Variants in TMEM114 observed in about 807,000 individuals in gnomAD.
The protein encoded by TMEM114 is transmembrane protein 114.
A neutral mutation model predicts 6.2 loss-of-function variants in TMEM114; 6 were observed. The ratio of observed to expected loss-of-function variants is 0.97; its 90% CI spans 0.53 to 1.91. TMEM114 has a LOEUF of 1.91. TMEM114 is among the 40% of genes most tolerant of loss of function. TMEM114 has a pLI of 0.01. For synonymous variants in TMEM114, 104 were observed against 73.0 expected (o/e 1.42, Z -2.16); for missense variants, 218 against 158.3 (o/e 1.38, Z -2.02).
chr16:8,536,137 A>G (rs1310958324), downstream of TMEM114, among the ~76,000 whole-genome samples: 1 of 151,860 alleles, frequency 6.6e-6, no homozygotes. Context: ...AGGCAGGACA[A>G]TCACTTGAAC....
intron 2 of TMEM114, among the ~76,000 whole-genome samples, chr16:8,578,885 A>G (rs1902035953): frequency 6.6e-6 from 1 of 152,188 alleles, no homozygotes; most frequent in Non-Finnish European, 1.5e-5. Flanking sequence ...AGGCTGAGGC[A>G]GGAGAATCGC....
intron 2 of TMEM114, among the ~76,000 whole-genome samples, chr16:8,541,133 A>G (rs969077186): frequency 7.2e-5 from 11 of 152,174 alleles, no homozygotes; most frequent in African/African-American, 2.7e-4. Flanking sequence ...AACTCTTGCT[A>G]TATGCCAGGC....
chr16:8,528,863 C>A, the TMEM114 span, among the ~76,000 whole-genome samples: 1 of 152,178 alleles, frequency 6.6e-6, no homozygotes, highest in South Asian at 2.1e-4. Flanking sequence ...TGTGAATTTG[C>A]AAGGCATTCT....
chr16:8,528,244 GC>G, the TMEM114 span, among the ~76,000 whole-genome samples: 1 of 27,686 alleles, frequency 3.6e-5, no homozygotes, highest in Non-Finnish European at 7.7e-5. Context: ...CACCCAAAAT[GC>G]GCACACACAC....
chr16:8,549,173 C>A, intron 2 of TMEM114, among the ~76,000 whole-genome samples: 1 of 115,496 alleles, frequency 8.7e-6, no homozygotes, highest in Non-Finnish European at 1.7e-5. Context: ...CAGAACGAGA[C>A]TCCATCTCAA....
At chr16:8,581,902 C>T (rs888426541) in intron 2 of TMEM114, among the ~76,000 whole-genome samples, 1 of 152,220 alleles carries the variant, frequency 6.6e-6, no homozygotes, top group African/African-American at 2.4e-5. Context: ...TCCCTGACTG[C>T]CTGCAGCACA....
intron 2 of TMEM114, among the ~76,000 whole-genome samples, chr16:8,562,480 GTGAA>G (rs1901279156): frequency 2.3e-5 from 2 of 88,160 alleles, no homozygotes; most frequent in Non-Finnish European, 4.7e-5. Flanking sequence ...GAATGAGTGA[GTGAA>G]TGAGTATGTG....
the TMEM114 span, among the ~76,000 whole-genome samples, chr16:8,531,056 G>A: frequency 3.3e-5 from 5 of 152,076 alleles, no homozygotes; most frequent in Non-Finnish European, 5.9e-5. Context: ...AGGAAGGGAG[G>A]GAGGGAGGAG....
chr16:8,538,977 C>G lies in TMEM114; in HGVS notation n.213-1151G>C, dbSNP rs188611094. 5.2e-4 allele frequency among the ~76,000 whole-genome samples: 79 copies of G among 152,232 alleles called. 2 individuals carry two copies. Among genetic ancestry groups the G allele is most frequent in the South Asian group, 2.7e-3 (13 of 4,808 alleles). ...TACCACTGTGTCCTCCATCTCTAGT[C>G]AAATGCCTGGAATAAAAGGAGCTCA... On this transcript the variant is annotated intron_variant and non_coding_transcript_variant, in intron 2 of 2. Transcript: ENST00000623677.
At chr16:8,549,468 C>G (rs935417434) in intron 2 of TMEM114, among the ~76,000 whole-genome samples, 1 of 137,816 alleles carries the variant, frequency 7.3e-6, no homozygotes, top group African/African-American at 2.8e-5. Flanking sequence ...CCACTTCACT[C>G]AAGCCTGGGC....
chr16:8,576,927 T>C (rs370822681), intron 2 of TMEM114, among the ~76,000 whole-genome samples: 30 of 152,310 alleles, frequency 2.0e-4, no homozygotes, highest in African/African-American at 6.7e-4. Context: ...CAGGTGAAAG[T>C]GGTGCCTTAA....
chr16:8,528,035 C>A, the TMEM114 span, among the ~76,000 whole-genome samples: 1 of 152,136 alleles, frequency 6.6e-6, no homozygotes, highest in Non-Finnish European at 1.5e-5. Flanking sequence ...CAGCTTCCTG[C>A]GTAGCTGGGA....
chr16:8,549,622 C>A lies in TMEM114; in HGVS notation n.213-11796G>T, dbSNP rs1596470646. Among the ~76,000 whole-genome samples the A allele has an allele frequency of 3.3e-5, 5 of 151,736 alleles. No homozygotes were observed. In the East Asian group the frequency reaches 5.8e-4, roughly 18 times the overall value. On this transcript the variant is annotated intron_variant and non_coding_transcript_variant, in intron 2 of 2. Transcript: ENST00000623677. ...CTTTTATTCCAAGATATCATGTTTT[C>A]CTTCGTGTGTGTGTGTATGTGTGTG...
At chr16:8,545,081 T>A (rs74250588) in intron 2 of TMEM114, among the ~76,000 whole-genome samples, 25,337 of 152,078 alleles carry the variant, frequency 0.17, 2,242 homozygotes, top group South Asian at 0.23. Flanking sequence ...TCATCAGGCC[T>A]ATATTGCACC....
chr16:8,572,413 G>A (rs943579822), intron 2 of TMEM114, 189 bp from the exon 3 acceptor site: 22 of 658,484 alleles, frequency 3.3e-5, no homozygotes, highest in Admixed American at 1.5e-4. Flanking sequence ...CTCATCTCGT[G>A]CAAGGCTGTG....
intron 3 of TMEM114, 84 bp downstream of exon 3, chr16:8,572,003 C>G: frequency 7.0e-7 from 1 of 1,420,436 alleles, no homozygotes. Flanking sequence ...TGGGATCCCC[C>G]TCGTTTGCTG....
At chr16:8,563,672 AG>A (rs200586402) in intron 2 of TMEM114, among the ~76,000 whole-genome samples, 3,529 of 150,172 alleles carry the variant, frequency 0.023, no homozygotes, top group Non-Finnish European at 0.038. Flanking sequence ...CGAATAAGTA[AG>A]TGAATGAGTA....
intron 2 of TMEM114, among the ~76,000 whole-genome samples, chr16:8,555,705 G>A (rs1044136049): frequency 2.6e-5 from 4 of 152,148 alleles, no homozygotes; most frequent in African/African-American, 7.2e-5. Flanking sequence ...CAGGACAATC[G>A]TGTCTTCCAG....
rs1902441624 is a variant in TMEM114 at position 8,590,215 on chromosome 16, A to G, written c.-377T>C. ...CCACCTCGTCCCTCAGCCCCACTCC[A>G]CCCTCGGCCCTCCACGCCCAGCCCA... On this transcript the variant is annotated 5_prime_UTR_variant, in exon 1 of 4. Transcript: ENST00000620492. The G allele has an allele frequency of 5.0e-6, 1 of 199,198 alleles. No individual in the cohort carries two copies. The highest frequency in any genetic ancestry group is 2.4e-5 in the African/African-American group (1 of 42,372). The allele number at this position is 199,198 out of a possible 1,614,324, so 12.3% of individuals were successfully genotyped here. A position where few individuals can be genotyped will look rare whatever the true frequency, so the allele number is the denominator to read the frequency against.
Sources: allele counts gnomAD v4.1 joint callset (sites outside exome capture counted in the v4.1 genomes callset), GRCh38; gene constraint gnomAD v4.1.1; transcripts MANE v1.5; gene names NCBI Gene and HGNC (gene_info 2026-07-23, HGNC 2026-07-21).